Variants in UGT8 observed in about 807,000 individuals in gnomAD.
UGT8 encodes the protein UDP glycosyltransferase 8.
UGT8 carries 12 observed loss-of-function variants against 40.5 expected under a neutral mutation model. The observed-to-expected ratio is 0.30, with a 90% CI of 0.19 to 0.48. The LOEUF (loss-of-function observed/expected upper bound fraction) is 0.48, where lower values mean the gene tolerates loss of function less well. Among genes scored for constraint, UGT8 ranks in the 20% least tolerant of loss-of-function variants. The pLI is 0.99. For synonymous variants in UGT8, 224 were observed against 240.4 expected (o/e 0.93, Z 0.63); for missense variants, 513 against 648.7 (o/e 0.79, Z 2.27).
intron 2 of UGT8, among the ~76,000 whole-genome samples, chr4:114,654,153 A>C (rs1734039505): frequency 6.6e-6 from 1 of 152,090 alleles, no homozygotes; most frequent in African/African-American, 2.4e-5. Context: ...GATTAGAAGT[A>C]GGTTATTTGG....
At chr4:114,611,320 A>T (rs957186955) in intron 1 of UGT8, among the ~76,000 whole-genome samples, 4 of 150,482 alleles carry the variant, frequency 2.7e-5, no homozygotes, top group African/African-American at 9.8e-5. Flanking sequence ...ATGCGTGGAG[A>T]TAACTGTACC....
chr4:114,674,934 T>A (rs552449808), intron 5 of UGT8, among the ~76,000 whole-genome samples: 1 of 152,364 alleles, frequency 6.6e-6, no homozygotes, highest in East Asian at 1.9e-4. Context: ...CACATGTTTT[T>A]AGATTAAAAT....
chr4:114,611,139 GTCAA>G (rs1731012044), intron 1 of UGT8, among the ~76,000 whole-genome samples: 1 of 151,930 alleles, frequency 6.6e-6, no homozygotes, highest in Non-Finnish European at 1.5e-5. Context: ...ATTTTAAAAT[GTCAA>G]TCATTGTTTT....
chr4:114,627,559 A>G (rs1482422625), intron 2 of UGT8, among the ~76,000 whole-genome samples: 1 of 152,012 alleles, frequency 6.6e-6, no homozygotes, highest in African/African-American at 2.4e-5. Context: ...CGCCTGGCCA[A>G]ATAGATCCTT....
chr4:114,660,657 C>T (rs1249543195), intron 2 of UGT8, among the ~76,000 whole-genome samples: 1 of 152,004 alleles, frequency 6.6e-6, no homozygotes, highest in African/African-American at 2.4e-5. Context: ...CTTTGGGAGG[C>T]CAAGACGGGC....
chr4:114,623,878 C>A, intron 2 of UGT8, 176 bp downstream of exon 2: 1 of 456,014 alleles, frequency 2.2e-6, no homozygotes, highest in Non-Finnish European at 2.9e-6. Flanking sequence ...CCCTGGGAAA[C>A]ATTCCTGCTT....
chr4:114,638,797 G>A (rs985109344), intron 2 of UGT8, among the ~76,000 whole-genome samples: 2 of 152,152 alleles, frequency 1.3e-5, no homozygotes, highest in Non-Finnish European at 2.9e-5. Flanking sequence ...ACTAAGTTTT[G>A]TAGGTCTGTT....
At chr4:114,601,897 G>A (rs1730466474) in intron 1 of UGT8, among the ~76,000 whole-genome samples, 1 of 151,574 alleles carries the variant, frequency 6.6e-6, no homozygotes, top group Non-Finnish European at 1.5e-5. Flanking sequence ...CAGACTGTGA[G>A]TGGGCCCTGC....
chr4:114,616,491 C>T (rs1175887391), intron 1 of UGT8, among the ~76,000 whole-genome samples: 1 of 152,156 alleles, frequency 6.6e-6, no homozygotes, highest in Non-Finnish European at 1.5e-5. Flanking sequence ...TTCCAGGTGC[C>T]TTCTGTCACC....
At chr4:114,602,901 G>A (rs143470994) in intron 1 of UGT8, among the ~76,000 whole-genome samples, 1 of 152,206 alleles carries the variant, frequency 6.6e-6, no homozygotes, top group African/African-American at 2.4e-5. Context: ...AAACAGAGGA[G>A]CTATGTGATG....
chr4:114,605,013 T>C (rs1449133203), intron 1 of UGT8, among the ~76,000 whole-genome samples: 2 of 152,144 alleles, frequency 1.3e-5, no homozygotes, highest in Admixed American at 1.3e-4. Context: ...GGATTTCTTC[T>C]AGTTCCATGT....
intron 2 of UGT8, among the ~76,000 whole-genome samples, chr4:114,628,663 A>G (rs1346257182): frequency 2.0e-5 from 3 of 150,440 alleles, no homozygotes; most frequent in African/African-American, 7.3e-5. Flanking sequence ...GAGATACTAT[A>G]TTTCCACATT....
At chr4:114,675,812 T>A in intron 5 of UGT8, 113 bp from the exon 6 acceptor site, 1 of 1,230,362 alleles carries the variant, frequency 8.1e-7, no homozygotes. Flanking sequence ...ACATGCAAGG[T>A]ACTTACTAAA....
At chr4:114,655,790 A>G (rs561718849) in intron 2 of UGT8, among the ~76,000 whole-genome samples, 28 of 152,216 alleles carry the variant, frequency 1.8e-4, no homozygotes, top group East Asian at 7.7e-4. Context: ...TTACACCTCA[A>G]TGAAGTTTTG....
chr4:114,616,408 G>T (rs1236252874), intron 1 of UGT8, among the ~76,000 whole-genome samples: 1 of 152,216 alleles, frequency 6.6e-6, no homozygotes, highest in African/African-American at 2.4e-5. Flanking sequence ...CCATGCGGGG[G>T]ATATAATCTC....
At chr4:114,627,660 T>C (rs1453114986) in intron 2 of UGT8, among the ~76,000 whole-genome samples, 1 of 152,190 alleles carries the variant, frequency 6.6e-6, no homozygotes, top group African/African-American at 2.4e-5. Context: ...CACCAAAGAA[T>C]AGTACATGTT....
intron 2 of UGT8, among the ~76,000 whole-genome samples, chr4:114,641,265 T>A (rs1733206809): frequency 6.6e-6 from 1 of 152,202 alleles, no homozygotes; most frequent in Admixed American, 6.5e-5. Flanking sequence ...AATAAGAGCA[T>A]CATTAGGAGC....
Position 114,623,535 on chromosome 4 carries a change from A to C in UGT8, c.655A>C (p.Met219Leu). ...FLVLPKYERI[M>L]QKYNLLPEKS... ...GGTTCTTCCCAAATATGAAAGGATA[A>C]TGCAGAAGTACAACCTGCTGCCAGA... Residue 219 changes from methionine (M) to leucine (L), a missense_variant, in exon 2 of 6, where the codon ATG becomes CTG. Physicochemically the swap from Met to Leu is conservative, Grantham distance 15. Around this residue, in one of 3 missense-constraint regions of UGT8, gnomAD observed 335 missense variants for 444.8 expected, o/e 0.75. Coordinates refer to ENST00000310836, the MANE Select transcript of UGT8 (RefSeq NM_001128174.3). 2.5e-6 allele frequency: 4 copies of C among 1,614,130 alleles called. No individual in the cohort carries two copies. The highest frequency in any genetic ancestry group is 1.7e-6 in the Non-Finnish European group (2 of 1,180,000).
intron 1 of UGT8, among the ~76,000 whole-genome samples, chr4:114,606,477 G>A (rs761539102): frequency 5.9e-5 from 9 of 152,132 alleles, no homozygotes; most frequent in Non-Finnish European, 1.3e-4. Flanking sequence ...TGTCCCTATT[G>A]AGTTGTTCTC....
Sources: gnomAD v4.1 joint callset for allele counts (sites outside exome capture counted in the v4.1 genomes callset) on GRCh38, gnomAD v4.1.1 for gene constraint, gnomAD v4.1.1 regional missense constraint, MANE v1.5 for transcripts, NCBI Gene and HGNC (gene_info 2026-07-23, HGNC 2026-07-21) for gene names.